The following EHBP1 variants were observed in gnomAD, a reference collection of about 807,000 sequenced individuals.
EHBP1 encodes EH domain-binding protein 1.
A neutral mutation model predicts 144.0 loss-of-function variants in EHBP1; 55 were observed. That is an observed-to-expected ratio of 0.38 (90% CI 0.31 to 0.48). The LOEUF is 0.48. Ranked by LOEUF, EHBP1 falls within the 20% of genes least tolerant of loss-of-function variation. EHBP1 has a pLI of 0.98. For synonymous variants in EHBP1, 469 were observed against 472.7 expected, an observed-to-expected ratio of 0.99 and a Z score of 0.10; for missense variants, 1,200 against 1,364.2, an observed-to-expected ratio of 0.88 and a Z score of 1.90.
intron 10 of EHBP1, among the ~76,000 whole-genome samples, chr2:62,918,728 A>G (rs2054834385): frequency 1.3e-5 from 2 of 152,220 alleles, no homozygotes; most frequent in African/African-American, 2.4e-5. Context: ...AAATATGACA[A>G]TTCCTGGACA....
chr2:62,870,523 T>G (rs1214689532), intron 9 of EHBP1, among the ~76,000 whole-genome samples: 1 of 151,870 alleles, frequency 6.6e-6, no homozygotes, highest in African/African-American at 2.4e-5. Context: ...GAGACCAGCC[T>G]GACCAACATG....
intron 19 of EHBP1, among the ~76,000 whole-genome samples, chr2:62,998,747 T>C (rs1405690064): frequency 6.6e-6 from 1 of 152,152 alleles, no homozygotes; most frequent in Non-Finnish European, 1.5e-5. Flanking sequence ...AGAATCCTTT[T>C]GAGCTTATTA....
At chr2:62,768,129 C>T (rs2041344153) in intron 4 of EHBP1, among the ~76,000 whole-genome samples, 1 of 152,032 alleles carries the variant, frequency 6.6e-6, no homozygotes, top group African/African-American at 2.4e-5. Context: ...GAAGCAAGGA[C>T]AAATCAACTC....
At chr2:62,974,518 C>T (rs1051977860) in intron 14 of EHBP1, among the ~76,000 whole-genome samples, 1 of 152,138 alleles carries the variant, frequency 6.6e-6, no homozygotes, top group Non-Finnish European at 1.5e-5. Flanking sequence ...GTTTTCTTAA[C>T]TCTGACTTAT....
At chr2:62,908,177 T>C (rs922914322) in intron 10 of EHBP1, among the ~76,000 whole-genome samples, 1 of 152,254 alleles carries the variant, frequency 6.6e-6, no homozygotes, top group Non-Finnish European at 1.5e-5. Context: ...AGAACTTTGG[T>C]AGTTTAAATC....
chr2:62,720,559 G>C (rs945241293), intron 2 of EHBP1, among the ~76,000 whole-genome samples: 3 of 152,146 alleles, frequency 2.0e-5, no homozygotes, highest in African/African-American at 7.2e-5. Context: ...ATTGAAACTG[G>C]ATTTATTCAT....
chr2:62,747,603 T>G, intron 3 of EHBP1, 151 bp downstream of exon 3: 1 of 633,672 alleles, frequency 1.6e-6, no homozygotes. Context: ...GATGCTATAA[T>G]CTTTTAACTG....
upstream of EHBP1, among the ~76,000 whole-genome samples, chr2:62,705,256 A>C (rs565405990): frequency 7.9e-5 from 12 of 152,072 alleles, no homozygotes; most frequent in African/African-American, 2.9e-4. Flanking sequence ...TGAGAACAGG[A>C]GAGAAACCCA....
chr2:62,695,294 G>A (rs1375962805), intron 1 of EHBP1, among the ~76,000 whole-genome samples: 2 of 152,142 alleles, frequency 1.3e-5, no homozygotes, highest in Non-Finnish European at 2.9e-5. Context: ...CCAGGAGGTC[G>A]AGGCTGCAGT....
chr2:62,742,208 C>T (rs2038777001), intron 2 of EHBP1, among the ~76,000 whole-genome samples: 1 of 152,066 alleles, frequency 6.6e-6, no homozygotes, highest in Non-Finnish European at 1.5e-5. Context: ...TGCATTTTCT[C>T]AGACTATATC....
chr2:62,751,965 T>C (rs1196019633), intron 3 of EHBP1, among the ~76,000 whole-genome samples: 1 of 152,026 alleles, frequency 6.6e-6, no homozygotes, highest in Non-Finnish European at 1.5e-5. Context: ...TTGAAGGGTT[T>C]TTTGTGTCTC....
At chr2:62,879,590 C>CACACACACACACAG (rs1453595274) in intron 10 of EHBP1, among the ~76,000 whole-genome samples, 32 of 139,194 alleles carry the variant, frequency 2.3e-4, no homozygotes, top group East Asian at 1.2e-3. Flanking sequence ...CACACACACA[C>CACACACACACACAG]AGAGACAGAG....
chr2:62,839,383 T>C (rs2152706577), intron 7 of EHBP1, among the ~76,000 whole-genome samples: 1 of 134,438 alleles, frequency 7.4e-6, no homozygotes, highest in South Asian at 2.7e-4. Context: ...ACAGCCAATA[T>C]CATACTGAAT....
At chr2:62,914,391 C>G (rs908903430) in intron 10 of EHBP1, among the ~76,000 whole-genome samples, 2 of 152,136 alleles carry the variant, frequency 1.3e-5, no homozygotes, top group Admixed American at 6.5e-5. Context: ...AACAGGAATT[C>G]TGTGAAGCCA....
chr2:62,974,803 A>C (rs760564855), intron 14 of EHBP1, among the ~76,000 whole-genome samples: 1 of 152,130 alleles, frequency 6.6e-6, no homozygotes, highest in Admixed American at 6.5e-5. Context: ...TCTAGTTCTT[A>C]TCTCTCTTTT....
At chr2:62,842,094 C>CTTTTTTTTTTT (rs555042055) in intron 7 of EHBP1, among the ~76,000 whole-genome samples, 63 of 147,520 alleles carry the variant, frequency 4.3e-4, no homozygotes, top group South Asian at 2.2e-3. Flanking sequence ...CCCTCAAAGC[C>CTTTTTTTTTTT]TTTTTTTTTT....
At chr2:62,839,704 A>T (rs1162711945) in intron 7 of EHBP1, among the ~76,000 whole-genome samples, 1 of 152,194 alleles carries the variant, frequency 6.6e-6, no homozygotes, top group Non-Finnish European at 1.5e-5. Context: ...AACAACAGAC[A>T]GAGAGCCAAA....
Position 62,993,594 on chromosome 2 carries a change from T to C in EHBP1, c.2798T>C (p.Val933Ala), listed in dbSNP as rs957959917. The change falls in exon 17 of 23, where the codon GTT (valine) becomes GCT (alanine). Residue 933 changes from valine to alanine, a missense_variant. Coordinates refer to ENST00000431489, the MANE Select transcript of EHBP1 (RefSeq NM_001142616.3). The part of the protein sequence containing the change: ...QKTTERFRNP[V>A]VFSKDSTVRK... ...ACAACAGAACGTTTTAGAAATCCTGTTGTGTTCAGCAAAGATTCTACAGTC... is the reference window on the plus strand; with the variant it reads ...ACAACAGAACGTTTTAGAAATCCTGCTGTGTTCAGCAAAGATTCTACAGTC... The C allele has an allele frequency of 6.2e-7, 1 of 1,610,624 alleles. No homozygotes were observed. The highest frequency in any genetic ancestry group is 1.3e-5 in the African/African-American group (1 of 74,926).
intron 19 of EHBP1, among the ~76,000 whole-genome samples, chr2:63,003,590 C>G (rs1441149327): frequency 6.6e-6 from 1 of 152,056 alleles, no homozygotes; most frequent in African/African-American, 2.4e-5. Flanking sequence ...CTTATGGCAA[C>G]TGCTATTGTT....
Sources: allele counts gnomAD v4.1 joint callset (sites outside exome capture counted in the v4.1 genomes callset), GRCh38; gene constraint gnomAD v4.1.1; transcripts MANE v1.5; gene names NCBI Gene and HGNC (gene_info 2026-07-23, HGNC 2026-07-21).